VPS13B: variants seen among roughly 807,000 people sequenced by gnomAD.
VPS13B encodes the protein vacuolar protein sorting 13 homolog B, also known as intermembrane lipid transfer protein VPS13B.
VPS13B carries 285 observed loss-of-function variants against 426.4 expected under a neutral mutation model. That is an observed-to-expected ratio of 0.67 (90% CI 0.61 to 0.74). The LOEUF (loss-of-function observed/expected upper bound fraction) is 0.74. VPS13B is among the 30% of genes least tolerant of loss of function. VPS13B has a pLI of 0.00. For synonymous variants in VPS13B, 1,676 were observed against 1,676.4 expected (o/e 1.00, Z 0.01); for missense variants, 4,537 against 4,782.6 (o/e 0.95, Z 1.51).
At chr8:99,079,419 A>G (rs1417252383) in intron 3 of VPS13B, among the ~76,000 whole-genome samples, 1 of 152,066 alleles carries the variant, frequency 6.6e-6, no homozygotes, top group Non-Finnish European at 1.5e-5. Flanking sequence ...CCAAAATTGA[A>G]TGTGGTTGTG....
intron 35 of VPS13B, among the ~76,000 whole-genome samples, chr8:99,685,080 T>A (rs1054406478): frequency 3.3e-5 from 5 of 152,214 alleles, no homozygotes; most frequent in Non-Finnish European, 7.3e-5. Flanking sequence ...GGATTACAGG[T>A]ATGAGCCACC....
Position 99,457,386 on chromosome 8 carries a change from T to C in VPS13B, c.3446-10028T>C, listed in dbSNP as rs78979664. 6.8e-3 allele frequency among the ~76,000 whole-genome samples: 1,036 copies of C among 152,322 alleles called. 10 individuals carry two copies. Among genetic ancestry groups the C allele is most frequent in the African/African-American group, 0.024 (1,003 of 41,574 alleles). On this transcript the variant is annotated intron_variant, in intron 23 of 61. Coordinates refer to ENST00000357162, the MANE Select transcript of VPS13B (RefSeq NM_152564.5). ...TATTCATCTTGAGTTATCTAATTTG[T>C]TGGCATAAAGCTGTTCTTAACATTC...
At chr8:99,844,044 CAGTTA>C (rs1815850912) in intron 54 of VPS13B, among the ~76,000 whole-genome samples, 1 of 152,170 alleles carries the variant, frequency 6.6e-6, no homozygotes, top group Admixed American at 6.6e-5. Context: ...GTCAATATAA[CAGTTA>C]AGTTTTAACA....
intron 19 of VPS13B, among the ~76,000 whole-genome samples, chr8:99,359,604 C>A (rs907604114): frequency 3.3e-5 from 5 of 151,434 alleles, no homozygotes; most frequent in African/African-American, 1.2e-4. Context: ...TTTAAATTTC[C>A]AAAGTTTACT....
rs1816398226 is a variant in VPS13B at position 99,853,538 on chromosome 8, A to T, written c.10149A>T (p.Ser3383=). The T allele has an allele frequency of 1.2e-6, 2 of 1,614,188 alleles. No homozygotes were observed. The highest frequency in any genetic ancestry group is 1.7e-6 in the Non-Finnish European group (2 of 1,180,036). ...VFDDLTHHKA[S]AELLRLTLDN... is the part of the protein sequence containing the mutation. Reference sequence around the variant, plus strand: ...ATGACCTCACCCACCACAAAGCATCAGCTGAGCTTCTGAGACTCACACTGG... The same window carrying T: ...ATGACCTCACCCACCACAAAGCATCTGCTGAGCTTCTGAGACTCACACTGG... Residue 3383 remains serine (S), a synonymous_variant, in exon 56 of 62, where the codon TCA becomes TCT. Coordinates refer to ENST00000357162, the MANE Select transcript of VPS13B (RefSeq NM_152564.5).
intron 3 of VPS13B, among the ~76,000 whole-genome samples, chr8:99,044,379 G>A (rs1228441255): frequency 6.7e-6 from 1 of 149,556 alleles, no homozygotes; most frequent in East Asian, 2.0e-4. Context: ...CACCGCGCCC[G>A]GCCTCTTTTT....
chr8:99,660,005 C>T (rs1170948242), intron 34 of VPS13B, among the ~76,000 whole-genome samples: 1 of 152,150 alleles, frequency 6.6e-6, no homozygotes, highest in Non-Finnish European at 1.5e-5. Flanking sequence ...TTTTAATCAT[C>T]CTTTCACCAG....
rs967122256 is a variant in VPS13B, at chr8:99,832,737, G to A, written c.9614+85G>A. 44 of 1,385,768 alleles carry A rather than the reference G, an allele frequency of 3.2e-5. 1 individual carries two copies. The highest frequency in any genetic ancestry group is 2.5e-4 in the South Asian group (21 of 84,014). The allele number at this position is 1,385,768 out of a possible 1,614,324, so 85.8% of individuals were successfully genotyped here. A position where few individuals can be genotyped will look rare whatever the true frequency, so the allele number is the denominator to read the frequency against. On this transcript the variant is annotated intron_variant, in intron 52 of 61. Coordinates refer to ENST00000357162, the MANE Select transcript of VPS13B (RefSeq NM_152564.5). ...AGATGCCAAGAGAGATACAATGGTC[G>A]CAGGGCTCCCCATATGTAATATTAG...
chr8:99,216,890 TAGAC>T (rs1467588555), intron 17 of VPS13B, among the ~76,000 whole-genome samples: 2 of 152,174 alleles, frequency 1.3e-5, no homozygotes, highest in Non-Finnish European at 2.9e-5. Flanking sequence ...CATTTTCTAA[TAGAC>T]AGTACTTGCT....
chr8:99,861,860 G>T lies in VPS13B; in HGVS notation c.11129G>T (p.Arg3710Leu). 1 of 1,601,774 alleles carries T rather than the reference G, an allele frequency of 6.2e-7. No homozygotes were observed. Among genetic ancestry groups the T allele is most frequent in the South Asian group, 1.1e-5 (1 of 88,488 alleles). Reference protein sequence around the residue: ...RLSLDEEHYNRQEEWRRQLPE... With the variant: ...RLSLDEEHYNLQEEWRRQLPE... ...TCACTGGATGAGGAGCACTACAACCGGCAGGAGGAGTGGCGGCGGCAGCTC... is the reference window on the plus strand; with the variant it reads ...TCACTGGATGAGGAGCACTACAACCTGCAGGAGGAGTGGCGGCGGCAGCTC... The change falls in exon 58 of 62, where the codon CGG (arginine) becomes CTG (leucine). Residue 3710 changes from arginine (R) to leucine (L), a missense_variant. Physicochemically the swap from Arg to Leu is moderately radical, Grantham distance 102. Coordinates refer to ENST00000357162, the MANE Select transcript of VPS13B (RefSeq NM_152564.5).
At chr8:99,364,558 A>G (rs888510230) in intron 19 of VPS13B, among the ~76,000 whole-genome samples, 3 of 151,950 alleles carry the variant, frequency 2.0e-5, no homozygotes, top group Admixed American at 6.6e-5. Flanking sequence ...TCAGCTTCCC[A>G]AGTAGCTGGG....
chr8:99,550,488 TTA>T (rs1824223195), intron 30 of VPS13B, among the ~76,000 whole-genome samples: 1 of 151,870 alleles, frequency 6.6e-6, no homozygotes, highest in Admixed American at 6.6e-5. Flanking sequence ...AACATCCTAG[TTA>T]TGTTTCCTTT....
At chr8:99,491,431 T>C (rs777280365) in intron 25 of VPS13B, among the ~76,000 whole-genome samples, 21 of 152,238 alleles carry the variant, frequency 1.4e-4, no homozygotes, top group Non-Finnish European at 2.8e-4. Context: ...GGGGAAGTTC[T>C]CCTGGATAAT....
At chr8:99,869,598 G>A (rs778760112) in intron 59 of VPS13B, among the ~76,000 whole-genome samples, 13 of 152,214 alleles carry the variant, frequency 8.5e-5, no homozygotes, top group Non-Finnish European at 1.6e-4. Context: ...ACCTATAAGT[G>A]AGAAAAGTTA....
intron 43 of VPS13B, among the ~76,000 whole-genome samples, chr8:99,788,676 G>A (rs777308510): frequency 5.9e-5 from 9 of 152,102 alleles, no homozygotes; most frequent in Non-Finnish European, 1.2e-4. Context: ...GTATTTATGG[G>A]CAATAACATT....
At chr8:99,497,445 A>T (rs1009083588) in intron 25 of VPS13B, among the ~76,000 whole-genome samples, 30 of 148,830 alleles carry the variant, frequency 2.0e-4, no homozygotes, top group Non-Finnish European at 3.9e-4. Context: ...CTAAAGTAAG[A>T]ATTGATATAT....
chr8:99,039,218 A>C (rs1842870414), intron 3 of VPS13B, among the ~76,000 whole-genome samples: 1 of 152,104 alleles, frequency 6.6e-6, no homozygotes, highest in African/African-American at 2.4e-5. Context: ...TTTTTTCTTT[A>C]CATAATTTTT....
rs575789378 is a variant in VPS13B, at chr8:99,017,505, TA to T, written c.147+3571del. The stretch of plus-strand genomic sequence containing the variant: ...CATATACATTTTATTTTTTTATTTT[TA>T]TTTTTTGAGACAGAGTCTTGCTCTG... On this transcript the variant is annotated intron_variant, in intron 2 of 61. Coordinates refer to ENST00000357162, the MANE Select transcript of VPS13B (RefSeq NM_152564.5). Among the ~76,000 whole-genome samples, 103 of 149,600 alleles carry T rather than the reference TA, an allele frequency of 6.9e-4. 1 individual carries two copies. Among genetic ancestry groups the T allele is most frequent in the Admixed American group, 6.0e-4 (9 of 15,046 alleles).
intron 39 of VPS13B, among the ~76,000 whole-genome samples, chr8:99,739,239 C>G (rs1318061156): frequency 2.0e-5 from 3 of 152,328 alleles, no homozygotes; most frequent in African/African-American, 2.4e-5. Flanking sequence ...GCACAGCAGT[C>G]TGAGATCAAA....
Sources: gnomAD v4.1 joint callset for allele counts (sites outside exome capture counted in the v4.1 genomes callset) on GRCh38, gnomAD v4.1.1 for gene constraint, MANE v1.5 for transcripts, NCBI Gene and HGNC (gene_info 2026-07-23, HGNC 2026-07-21) for gene names.